MGMT: variants seen among roughly 807,000 people sequenced by gnomAD.
MGMT encodes the protein O-6-methylguanine-DNA methyltransferase.
MGMT carries 14 observed loss-of-function variants against 15.9 expected under a neutral mutation model. That is an observed-to-expected ratio of 0.88 (90% CI 0.58 to 1.37). MGMT has a LOEUF of 1.37. Ranked by LOEUF, MGMT falls within the 40% of genes most tolerant of loss-of-function variation. The pLI is 0.00. For synonymous variants in MGMT, 130 were observed against 118.2 expected (o/e 1.10, Z -0.65); for missense variants, 282 against 268.1 (o/e 1.05, Z -0.36).
intron 4 of MGMT, 124 bp downstream of exon 4, chr10:129,759,465 A>G: frequency 7.0e-7 from 1 of 1,423,078 alleles, no homozygotes; most frequent in Non-Finnish European, 9.7e-7. Context: ...GAGGGGCGAT[A>G]TCTGTGATGG....
In MGMT at chr10:129,740,854, C is replaced by T. The variant is rs569426444; in HGVS notation, c.275-18348C>T. ...AAAGCACACTGAACCGAGCCTGGTA[C>T]CTAGTAAGCACTCAGTAAGTCTTGG... On this transcript the variant is annotated intron_variant, in intron 3 of 4. Coordinates refer to ENST00000651593, the MANE Select transcript of MGMT (RefSeq NM_002412.5). Among the ~76,000 whole-genome samples, 12 of 152,264 alleles carry T rather than the reference C, an allele frequency of 7.9e-5. No homozygotes were observed. The South Asian group carries it at 2.5e-3, about 32-fold the overall frequency.
intron 1 of MGMT, among the ~76,000 whole-genome samples, chr10:129,476,486 C>T (rs1845295700): frequency 1.3e-5 from 2 of 152,168 alleles, no homozygotes; most frequent in South Asian, 2.1e-4. Flanking sequence ...TGAGGAGAAG[C>T]AGCTCCGTGG....
chr10:129,622,222 C>G (rs778322345), intron 2 of MGMT, among the ~76,000 whole-genome samples: 1 of 152,210 alleles, frequency 6.6e-6, no homozygotes. Context: ...GAATGATTAG[C>G]AGTATGTTGC....
At chr10:129,718,248 C>T (rs1409737384) in intron 3 of MGMT, among the ~76,000 whole-genome samples, 1 of 152,244 alleles carries the variant, frequency 6.6e-6, no homozygotes, top group Admixed American at 6.5e-5. Flanking sequence ...GAGCTTTAGG[C>T]TTCGACCTGG....
At chr10:129,543,313 CT>C (rs1846064901) in intron 2 of MGMT, among the ~76,000 whole-genome samples, 1 of 152,178 alleles carries the variant, frequency 6.6e-6, no homozygotes, top group Non-Finnish European at 1.5e-5. Context: ...CAGGCTGAGC[CT>C]TCCAAGTCGT....
At position 129,514,567 on chromosome 10, in the gene MGMT, A is replaced by G. The variant is rs148571559; in HGVS notation, c.-12-21674A>G. 9.4e-3 allele frequency among the ~76,000 whole-genome samples: 1,425 copies of G among 152,316 alleles called. 29 individuals are homozygous for G. Among genetic ancestry groups the G allele is most frequent in the African/African-American group, 0.033 (1,356 of 41,554 alleles). ...CCTTCTTGCTTTTTTGCATACAGTG[A>G]GTACTATGGTCCAAATGTTTGTTCT... On this transcript the variant is annotated intron_variant, in intron 1 of 4. Coordinates refer to ENST00000651593, the MANE Select transcript of MGMT (RefSeq NM_002412.5).
intron 1 of MGMT, among the ~76,000 whole-genome samples, chr10:129,468,555 C>G (rs1845196538): frequency 6.6e-6 from 1 of 151,782 alleles, no homozygotes; most frequent in South Asian, 2.1e-4. Flanking sequence ...CGGAGCTATA[C>G]TCAGGTACTT....
At chr10:129,543,924 A>C (rs940320653) in intron 2 of MGMT, among the ~76,000 whole-genome samples, 8 of 152,232 alleles carry the variant, frequency 5.3e-5, no homozygotes, top group African/African-American at 1.9e-4. Context: ...AAGATTTTTT[A>C]AGTTTCCAAC....
intron 2 of MGMT, chr10:129,700,673 G>C (rs1848088304): frequency 6.6e-6 from 1 of 152,182 alleles, no homozygotes; most frequent in Non-Finnish European, 1.5e-5. Flanking sequence ...GAAATACAGA[G>C]TCAAAAGGTT....
At chr10:129,516,243 G>A (rs1393400030) in intron 1 of MGMT, among the ~76,000 whole-genome samples, 2 of 152,136 alleles carry the variant, frequency 1.3e-5, no homozygotes, top group African/African-American at 2.4e-5. Flanking sequence ...ATCTCATCAC[G>A]ACCCACATCA....
At chr10:129,756,597 G>T (rs940492528) in intron 3 of MGMT, among the ~76,000 whole-genome samples, 5 of 152,198 alleles carry the variant, frequency 3.3e-5, no homozygotes, top group Non-Finnish European at 7.3e-5. Flanking sequence ...ACCCTCCCGA[G>T]TAGCTGGGAC....
chr10:129,625,757 G>A (rs1205482958), intron 2 of MGMT, among the ~76,000 whole-genome samples: 2 of 152,204 alleles, frequency 1.3e-5, no homozygotes, highest in Admixed American at 6.5e-5. Context: ...ATGCATGTAT[G>A]TGTGTGTACA....
At chr10:129,488,930 G>C (rs1845439927) in intron 1 of MGMT, among the ~76,000 whole-genome samples, 2 of 152,226 alleles carry the variant, frequency 1.3e-5, no homozygotes, top group South Asian at 4.1e-4. Flanking sequence ...GAGAGACACA[G>C]TAAATGGTGC....
intron 1 of MGMT, among the ~76,000 whole-genome samples, chr10:129,468,842 G>A (rs578011827): frequency 6.6e-6 from 1 of 152,244 alleles, no homozygotes; most frequent in Non-Finnish European, 1.5e-5. Context: ...CCGAGATTGC[G>A]CCATTGCACT....
chr10:129,642,927 G>A (rs149262154), intron 2 of MGMT, among the ~76,000 whole-genome samples: 18 of 151,400 alleles, frequency 1.2e-4, no homozygotes, highest in Admixed American at 9.2e-4. Flanking sequence ...ATAAGAACCT[G>A]TCTCTTAAGA....
intron 2 of MGMT, among the ~76,000 whole-genome samples, chr10:129,684,789 A>G (rs368914417): frequency 9.4e-4 from 143 of 152,338 alleles, no homozygotes; most frequent in Middle Eastern, 3.4e-3. Context: ...ATGGTTCAAC[A>G]TCACCAGCCA....
intron 2 of MGMT, among the ~76,000 whole-genome samples, chr10:129,699,992 T>G (rs1400368247): frequency 1.3e-5 from 2 of 152,232 alleles, no homozygotes; most frequent in East Asian, 3.8e-4. Flanking sequence ...CATTGTTTGT[T>G]ACGTAAACTT....
chr10:129,507,164 T>A (rs1201041091), intron 1 of MGMT, among the ~76,000 whole-genome samples: 5 of 152,120 alleles, frequency 3.3e-5, no homozygotes, highest in Non-Finnish European at 7.4e-5. Context: ...ACTGATCTAG[T>A]GTTGAAAGGT....
chr10:129,589,507 C>T (rs574090424), intron 2 of MGMT, among the ~76,000 whole-genome samples: 4 of 152,364 alleles, frequency 2.6e-5, no homozygotes, highest in African/African-American at 7.2e-5. Context: ...CATTTATTTG[C>T]TTCTTGTGGC....
Sources: allele counts gnomAD v4.1 joint callset (sites outside exome capture counted in the v4.1 genomes callset), GRCh38; gene constraint gnomAD v4.1.1; transcripts MANE v1.5; gene names NCBI Gene and HGNC (gene_info 2026-07-23, HGNC 2026-07-21).